The following LRRC7 variants were observed in gnomAD, a reference collection of about 807,000 sequenced individuals.
LRRC7 encodes leucine-rich repeat-containing protein 7.
Under a neutral mutation model 175.7 loss-of-function variants are expected in LRRC7, and 23 were observed. That is an observed-to-expected ratio of 0.13 (90% CI 0.09 to 0.19). The LOEUF is 0.19. Ranked by LOEUF, LRRC7 falls within the 10% of genes least tolerant of loss-of-function variation. The pLI is 1.00. For missense variants in LRRC7, 1,354 were observed against 1,904.7 expected, an observed-to-expected ratio of 0.71 and a Z score of 5.38; for synonymous variants, 685 against 680.9, an observed-to-expected ratio of 1.01 and a Z score of -0.09.
intron 25 of LRRC7, among the ~76,000 whole-genome samples, chr1:70,103,719 T>C (rs1269803699): frequency 6.6e-5 from 10 of 152,170 alleles, no homozygotes; most frequent in Admixed American, 3.9e-4. Context: ...TAATATATAT[T>C]GCCTTATTGA....
At chr1:70,070,037 A>G (rs1662264602) in intron 23 of LRRC7, among the ~76,000 whole-genome samples, 1 of 152,078 alleles carries the variant, frequency 6.6e-6, no homozygotes, top group Non-Finnish European at 1.5e-5. Context: ...TCTGTCTTCC[A>G]GGCTAGAGTG....
chr1:69,920,082 G>A (rs561387502), intron 7 of LRRC7: 2 of 285,272 alleles, frequency 7.0e-6, no homozygotes, highest in South Asian at 5.5e-5. Flanking sequence ...GCATGGGAGG[G>A]AGGCTCGCAG....
At chr1:69,621,187 G>A (rs1569988554) in intron 1 of LRRC7, among the ~76,000 whole-genome samples, 1 of 152,092 alleles carries the variant, frequency 6.6e-6, no homozygotes, top group African/African-American at 2.4e-5. Context: ...TGGGATTACA[G>A]GCATGTGCCA....
chr1:69,969,486 T>C (rs1355596521), intron 8 of LRRC7, among the ~76,000 whole-genome samples: 1 of 152,006 alleles, frequency 6.6e-6, no homozygotes, highest in Non-Finnish European at 1.5e-5. Context: ...TAGCTATTCT[T>C]ACATTAGACA....
intron 7 of LRRC7, among the ~76,000 whole-genome samples, chr1:69,912,568 G>C (rs1158489970): frequency 6.6e-6 from 1 of 152,112 alleles, no homozygotes; most frequent in Non-Finnish European, 1.5e-5. Context: ...CAGAAATAAT[G>C]TCATTGTTCT....
chr1:69,929,268 CTCTTT>C (rs573006901), intron 7 of LRRC7, among the ~76,000 whole-genome samples: 146 of 152,286 alleles, frequency 9.6e-4, no homozygotes, highest in Admixed American at 1.6e-3. Flanking sequence ...CTTTCCTAGA[CTCTTT>C]TCTTGATGTC....
In LRRC7 at chr1:69,649,903, A is replaced by G. The variant is rs1026683488; in HGVS notation, c.3-28478A>G. 2.6e-5 allele frequency among the ~76,000 whole-genome samples: 4 copies of G among 152,212 alleles called. No individual in the cohort carries two copies. The South Asian group carries it at 8.3e-4, about 32-fold the overall frequency. On this transcript the variant is annotated intron_variant, in intron 1 of 26. Transcript: ENST00000651989. ...ACAGGATAATTCTTGGCCTTCAATG[A>G]CAGTCGCATAAGGATTAGGCTCACT...
At chr1:69,650,556 G>GAAAAAAAAAAAAAAAAAAAAAAA (rs1161888834) in intron 1 of LRRC7, among the ~76,000 whole-genome samples, 1 of 87,104 alleles carries the variant, frequency 1.1e-5, no homozygotes, top group African/African-American at 4.7e-5. Context: ...AAAAAAAAAT[G>GAAAAAAAAAAAAAAAAAAAAAAA]CCAAGCATCT....
chr1:70,102,561 C>T (rs1475208737), intron 25 of LRRC7, among the ~76,000 whole-genome samples: 2 of 152,064 alleles, frequency 1.3e-5, no homozygotes, highest in African/African-American at 4.8e-5. Flanking sequence ...GATGGGGTCT[C>T]ACCATTTTGC....
Position 70,053,147 on chromosome 1 carries a change from T to A in LRRC7, c.4230+2T>A. On this transcript the variant is annotated splice_donor_variant, in intron 23 of 26. Transcript: ENST00000651989. LOFTEE classifies it high-confidence loss of function. ...CCTCCGGACACCATTACTAAGAAGGTAACCAATTTTTAATTAACAAGACAA... is the reference window on the plus strand; with the variant it reads ...CCTCCGGACACCATTACTAAGAAGGAAACCAATTTTTAATTAACAAGACAA... 1 of 1,598,692 alleles carries A rather than the reference T, an allele frequency of 6.3e-7. No individual in the cohort carries two copies. The highest frequency in any genetic ancestry group is 1.1e-5 in the South Asian group (1 of 87,450).
intron 2 of LRRC7, among the ~76,000 whole-genome samples, chr1:69,718,367 C>A (rs548017557): frequency 1.2e-4 from 18 of 151,752 alleles, no homozygotes; most frequent in Non-Finnish European, 1.9e-4. Context: ...ACAGCAACTT[C>A]GTTTGTGATC....
intron 13 of LRRC7, among the ~76,000 whole-genome samples, chr1:70,015,418 TA>T (rs1319194576): frequency 6.6e-6 from 1 of 152,124 alleles, no homozygotes; most frequent in East Asian, 1.9e-4. Flanking sequence ...ATTATCAAAA[TA>T]AATTTATTTA....
chr1:69,924,426 T>C (rs1240066730), intron 7 of LRRC7, among the ~76,000 whole-genome samples: 3 of 152,244 alleles, frequency 2.0e-5, no homozygotes, highest in Admixed American at 1.3e-4. Context: ...TGATTCTTCC[T>C]ACCCATGAGC....
At chr1:69,622,932 G>T (rs1257692571) in intron 1 of LRRC7, among the ~76,000 whole-genome samples, 5 of 152,192 alleles carry the variant, frequency 3.3e-5, no homozygotes, top group African/African-American at 1.2e-4. Flanking sequence ...GATGGGCTCA[G>T]GTCCTTCTTA....
chr1:69,623,232 T>A (rs1031048513), intron 1 of LRRC7, among the ~76,000 whole-genome samples: 1 of 152,160 alleles, frequency 6.6e-6, no homozygotes, highest in Admixed American at 6.5e-5. Flanking sequence ...TGAAGGAAAA[T>A]TAATTAAAAT....
chr1:70,039,274 C>A lies in LRRC7; in HGVS notation c.3450C>A (p.Phe1150Leu), dbSNP rs755616373. The A allele has an allele frequency of 1.4e-5, 22 of 1,613,940 alleles. No homozygotes were observed. Among genetic ancestry groups the A allele is most frequent in the African/African-American group, 2.7e-5 (2 of 74,920 alleles). ...QFASQGARAG[F>L]LRRADSLVSA... is the part of the protein sequence containing the mutation. ...CAAGCCAAGGGGCCAGGGCGGGCTT[C>A]CTGAGAAGGGCCGACTCCCTGGTGA... The change falls in exon 21 of 27, where the codon TTC becomes TTA. Residue 1150 changes from phenylalanine (F) to leucine (L), a missense_variant. Physicochemically the swap from Phe to Leu is conservative, Grantham distance 22 (BLOSUM62 0). Coordinates refer to ENST00000651989, the MANE Select transcript of LRRC7 (RefSeq NM_001370785.2).
intron 2 of LRRC7, among the ~76,000 whole-genome samples, chr1:69,718,138 G>GAAAGAAAGAA (rs772161376): frequency 0.075 from 3,041 of 40,452 alleles, 115 homozygotes; most frequent in Non-Finnish European, 0.078. Context: ...AAGAAAGAAA[G>GAAAGAAAGAA]AGAGAGAAAG....
chr1:69,690,341 A>G (rs767661784), intron 2 of LRRC7, among the ~76,000 whole-genome samples: 10 of 152,204 alleles, frequency 6.6e-5, no homozygotes, highest in Non-Finnish European at 8.8e-5. Context: ...AAGTGTTTTC[A>G]GATCAATGGC....
chr1:70,013,787 C>T (rs1656732617), intron 13 of LRRC7, among the ~76,000 whole-genome samples: 2 of 151,912 alleles, frequency 1.3e-5, no homozygotes, highest in Non-Finnish European at 2.9e-5. Context: ...AAATATAATG[C>T]ATGAGCTCTA....
Sources: allele counts gnomAD v4.1 joint callset (sites outside exome capture counted in the v4.1 genomes callset), GRCh38; gene constraint gnomAD v4.1.1; transcripts MANE v1.5; gene names NCBI Gene and HGNC (gene_info 2026-07-23, HGNC 2026-07-21).